Variants in SAXO1 observed in about 807,000 individuals in gnomAD.
SAXO1 encodes the protein stabilizer of axonemal microtubules 1, also known as 4930500O09Rik.
A neutral mutation model predicts 17.5 loss-of-function variants in SAXO1; 21 were observed. That is an observed-to-expected ratio of 1.20 (90% CI 0.85 to 1.72). The LOEUF is 1.72. SAXO1 is among the 40% of genes most tolerant of loss of function. The pLI is 0.00. For missense variants in SAXO1, 843 were observed against 596.0 expected (o/e 1.41, Z -4.32); for synonymous variants, 274 against 216.5 (o/e 1.27, Z -2.33).
At chr9:18,990,024 CT>C (rs1206797819) in intron 1 of SAXO1, among the ~76,000 whole-genome samples, 2 of 152,256 alleles carry the variant, frequency 1.3e-5, no homozygotes, top group Non-Finnish European at 2.9e-5. Context: ...GTATTGCCAC[CT>C]TTATTTTGCA....
intron 1 of SAXO1, among the ~76,000 whole-genome samples, chr9:19,048,461 G>A (rs7874503): frequency 0.27 from 34,049 of 126,948 alleles, 5,077 homozygotes; most frequent in African/African-American, 0.47. Flanking sequence ...CGTCTCAAAA[G>A]AAAAAAAAAG....
chr9:18,968,743 G>A (rs1323993486), intron 1 of SAXO1, among the ~76,000 whole-genome samples: 3 of 151,886 alleles, frequency 2.0e-5, no homozygotes, highest in East Asian at 3.9e-4. Context: ...ACAGGCACAC[G>A]CCACTACACC....
chr9:18,984,488 C>T (rs188572680), intron 1 of SAXO1, among the ~76,000 whole-genome samples: 72 of 152,314 alleles, frequency 4.7e-4, no homozygotes, highest in Admixed American at 2.4e-3. Flanking sequence ...CTAGATTTTC[C>T]GGATAACTTG....
chr9:18,951,670 A>C (rs1183701868), intron 1 of SAXO1, among the ~76,000 whole-genome samples: 1 of 152,112 alleles, frequency 6.6e-6, no homozygotes, highest in Non-Finnish European at 1.5e-5. Flanking sequence ...CACCCTGTGT[A>C]TGCCTGTCCC....
intron 1 of SAXO1, among the ~76,000 whole-genome samples, chr9:18,966,711 T>C (rs933471967): frequency 6.6e-6 from 1 of 151,780 alleles, no homozygotes; most frequent in Non-Finnish European, 1.5e-5. Context: ...TGGAAGAGTT[T>C]GTTATTATTC....
intron 3 of SAXO1, among the ~76,000 whole-genome samples, chr9:18,939,792 T>C (rs144842287): frequency 2.0e-5 from 3 of 152,230 alleles, no homozygotes; most frequent in African/African-American, 4.8e-5. Flanking sequence ...AAATAATGAT[T>C]TTATCGTTTG....
chr9:18,968,022 T>A (rs1327469537), intron 1 of SAXO1, among the ~76,000 whole-genome samples: 1 of 152,176 alleles, frequency 6.6e-6, no homozygotes, highest in African/African-American at 2.4e-5. Context: ...CCCCTTACGC[T>A]TCCTGGGTGA....
At chr9:18,992,060 A>G (rs1481516169) in intron 1 of SAXO1, among the ~76,000 whole-genome samples, 7 of 152,160 alleles carry the variant, frequency 4.6e-5, no homozygotes, top group African/African-American at 1.2e-4. Context: ...GAACCCCCCA[A>G]TGAGATAGGT....
At chr9:18,977,617 T>G (rs1031158266) in intron 1 of SAXO1, among the ~76,000 whole-genome samples, 2 of 152,188 alleles carry the variant, frequency 1.3e-5, no homozygotes, top group African/African-American at 4.8e-5. Context: ...ATTCTTAACT[T>G]GGGTTCCTTG....
At chr9:19,000,627 T>C (rs1834227495) in intron 1 of SAXO1, among the ~76,000 whole-genome samples, 1 of 152,212 alleles carries the variant, frequency 6.6e-6, no homozygotes, top group Non-Finnish European at 1.5e-5. Context: ...CCTCCAAGTG[T>C]GAAGTGACAG....
chr9:18,943,361 C>T (rs1831657341), intron 2 of SAXO1, among the ~76,000 whole-genome samples: 2 of 152,198 alleles, frequency 1.3e-5, no homozygotes. Context: ...CTGTACATAT[C>T]GGGGCTTATG....
chr9:18,967,480 A>G (rs746090466), intron 1 of SAXO1, among the ~76,000 whole-genome samples: 1 of 152,206 alleles, frequency 6.6e-6, no homozygotes, highest in Non-Finnish European at 1.5e-5. Context: ...GTCTGGCTAC[A>G]GTGGCTTTGC....
intron 3 of SAXO1, among the ~76,000 whole-genome samples, chr9:18,940,789 G>A (rs1831518871): frequency 1.3e-5 from 2 of 152,114 alleles, no homozygotes; most frequent in Non-Finnish European, 2.9e-5. Context: ...TCTCCACTAG[G>A]CTAGAAAGTC....
At chr9:18,967,698 C>T (rs375247049) in intron 1 of SAXO1, among the ~76,000 whole-genome samples, 138 of 152,256 alleles carry the variant, frequency 9.1e-4, no homozygotes, top group African/African-American at 3.0e-3. Context: ...GGGGAGGATC[C>T]GCTGAGCAAG....
intron 1 of SAXO1, among the ~76,000 whole-genome samples, chr9:19,044,743 G>C (rs537477232): frequency 2.0e-5 from 3 of 151,602 alleles, no homozygotes; most frequent in Admixed American, 6.6e-5. Context: ...GGCGCCTGTA[G>C]TCCCAGCTAC....
At chr9:19,016,533 A>G (rs937647876) in intron 1 of SAXO1, among the ~76,000 whole-genome samples, 4 of 149,936 alleles carry the variant, frequency 2.7e-5, no homozygotes, top group African/African-American at 5.1e-5. Context: ...TTTGCCCCCA[A>G]GGAAACATGT....
intron 1 of SAXO1, among the ~76,000 whole-genome samples, chr9:19,016,403 T>C (rs1834976593): frequency 6.6e-6 from 1 of 152,070 alleles, no homozygotes; most frequent in Admixed American, 6.6e-5. Flanking sequence ...GCTACTGCAC[T>C]CCAGCATGGG....
chr9:18,939,468 G>A (rs945374593), intron 3 of SAXO1, among the ~76,000 whole-genome samples: 1 of 152,238 alleles, frequency 6.6e-6, no homozygotes, highest in African/African-American at 2.4e-5. Flanking sequence ...TAAGACAGGG[G>A]AGTGCAAGGC....
chr9:18,987,937 T>C (rs926613551), intron 1 of SAXO1, among the ~76,000 whole-genome samples: 8 of 125,260 alleles, frequency 6.4e-5, no homozygotes, highest in African/African-American at 1.8e-4. Context: ...AAACCAGCTC[T>C]TCCTCTCTAC....
Sources: gnomAD v4.1 joint callset for allele counts (sites outside exome capture counted in the v4.1 genomes callset) on GRCh38, gnomAD v4.1.1 for gene constraint, MANE v1.5 for transcripts, NCBI Gene and HGNC (gene_info 2026-07-23, HGNC 2026-07-21) for gene names.